The following LCLAT1 variants were observed in gnomAD, a reference collection of about 807,000 sequenced individuals.
LCLAT1 encodes lysocardiolipin acyltransferase 1, also known as 1-AGP acyltransferase 8.
In LCLAT1, 11 loss-of-function variants were observed where a neutral mutation model predicts 30.7. The ratio of observed to expected loss-of-function variants is 0.36; its 90% CI spans 0.23 to 0.59. The LOEUF (loss-of-function observed/expected upper bound fraction) is 0.59, where lower values mean the gene tolerates loss of function less well. Among genes scored for constraint, LCLAT1 ranks in the 20% least tolerant of loss-of-function variants. The pLI, the probability that LCLAT1 is intolerant of heterozygous loss-of-function variation, is 0.77. For synonymous variants in LCLAT1, 155 were observed against 151.3 expected (o/e 1.02, Z -0.18); for missense variants, 402 against 458.6 (o/e 0.88, Z 1.13).
At chr2:30,585,634 C>A (rs993916722) in intron 5 of LCLAT1, among the ~76,000 whole-genome samples, 9 of 152,178 alleles carry the variant, frequency 5.9e-5, no homozygotes, top group African/African-American at 4.8e-5. Context: ...TCCCTTAATA[C>A]CCTTATGCTT....
chr2:30,561,645 G>C (rs191988856), intron 3 of LCLAT1, among the ~76,000 whole-genome samples: 1 of 152,276 alleles, frequency 6.6e-6, no homozygotes, highest in African/African-American at 2.4e-5. Flanking sequence ...CAATGACATA[G>C]AAAGTGGCTA....
chr2:30,621,624 A>C (rs958107011), intron 5 of LCLAT1, among the ~76,000 whole-genome samples: 6 of 152,136 alleles, frequency 3.9e-5, no homozygotes, highest in African/African-American at 1.4e-4. Context: ...GAGCGACCAA[A>C]GTGTGAGAAG....
Position 30,640,613 on chromosome 2 carries a change from T to G in LCLAT1, c.1125T>G (p.Asn375Lys). The change falls in exon 6 of 6, where the codon AAT (asparagine) becomes AAG (lysine). Residue 375 changes from asparagine (N) to lysine (K), a missense_variant. By Grantham distance (94) the Asn-to-Lys change is moderately conservative. Transcript: ENST00000379509. ...HKQPHLNSKK[N>K]E ...AGCCACATTTAAATTCAAAGAAAAA[T>G]GAGTAAGATTATAAGGTTTGCCATG... 1.3e-6 allele frequency: 2 copies of G among 1,598,350 alleles called. No individual in the cohort carries two copies. The highest frequency in any genetic ancestry group is 1.7e-6 in the Non-Finnish European group (2 of 1,173,814).
intron 3 of LCLAT1, among the ~76,000 whole-genome samples, chr2:30,545,598 A>G (rs1236666977): frequency 6.6e-6 from 1 of 152,168 alleles, no homozygotes; most frequent in Non-Finnish European, 1.5e-5. Context: ...TTGTTAAATT[A>G]ACTAAACTGT....
chr2:30,460,833 T>G (rs890300900), intron 1 of LCLAT1, among the ~76,000 whole-genome samples: 2 of 152,164 alleles, frequency 1.3e-5, no homozygotes, highest in African/African-American at 4.8e-5. Context: ...GGCTAGTGAT[T>G]TAATCACTGA....
At chr2:30,528,558 T>C (rs1297344129) in intron 2 of LCLAT1, among the ~76,000 whole-genome samples, 1 of 152,196 alleles carries the variant, frequency 6.6e-6, no homozygotes, top group African/African-American at 2.4e-5. Context: ...CCAATCACTT[T>C]GTCTGATGGT....
chr2:30,452,169 G>A lies in LCLAT1; in HGVS notation c.-5+4786G>A, dbSNP rs576145421. ...GGTGGTTACATGGGTGTATGTATAT[G>A]TAAAAATTCAGAATATGTAAAAATA... is the stretch of plus-strand genomic sequence containing the variant. On this transcript the variant is annotated intron_variant, in intron 1 of 5. Coordinates refer to ENST00000379509, the MANE Select transcript of LCLAT1 (RefSeq NM_001002257.3). 3.3e-5 allele frequency among the ~76,000 whole-genome samples: 5 copies of A among 152,046 alleles called. No individual in the cohort carries two copies. The South Asian group carries it at 1.0e-3, about 32-fold the overall frequency.
chr2:30,590,636 CTT>C (rs1179073522), intron 5 of LCLAT1, among the ~76,000 whole-genome samples: 2 of 151,180 alleles, frequency 1.3e-5, no homozygotes, highest in Non-Finnish European at 1.5e-5. Flanking sequence ...GGAATGGAAA[CTT>C]GACATTAAAA....
At chr2:30,581,499 C>G (rs1666211710) in intron 5 of LCLAT1, among the ~76,000 whole-genome samples, 1 of 152,130 alleles carries the variant, frequency 6.6e-6, no homozygotes, top group Non-Finnish European at 1.5e-5. Context: ...GATATGTAGT[C>G]CACCTAAGTG....
At chr2:30,520,915 C>A (rs1406099564) in intron 1 of LCLAT1, among the ~76,000 whole-genome samples, 1 of 152,102 alleles carries the variant, frequency 6.6e-6, no homozygotes, top group Non-Finnish European at 1.5e-5. Flanking sequence ...TGGAACAAAT[C>A]CATCTTAAAT....
intron 1 of LCLAT1, among the ~76,000 whole-genome samples, chr2:30,517,331 A>G (rs1294427917): frequency 2.6e-5 from 4 of 152,110 alleles, no homozygotes; most frequent in African/African-American, 9.7e-5. Context: ...GTCTCTCCCA[A>G]TTTAGGTATA....
At chr2:30,450,022 A>G (rs1681468700) in intron 1 of LCLAT1, among the ~76,000 whole-genome samples, 1 of 152,176 alleles carries the variant, frequency 6.6e-6, no homozygotes, top group Non-Finnish European at 1.5e-5. Context: ...TTGAACCTTT[A>G]TGGAATAGCC....
intron 5 of LCLAT1, among the ~76,000 whole-genome samples, chr2:30,614,795 G>A (rs1487830250): frequency 6.6e-6 from 1 of 152,188 alleles, no homozygotes; most frequent in Non-Finnish European, 1.5e-5. Flanking sequence ...GGATGGAGAA[G>A]AGTAAGATCC....
chr2:30,586,152 G>A (rs1572659896), intron 5 of LCLAT1, among the ~76,000 whole-genome samples: 2 of 151,554 alleles, frequency 1.3e-5, no homozygotes, highest in South Asian at 4.2e-4. Context: ...GCTGAGGCAG[G>A]GGAATGGCGT....
chr2:30,455,437 C>G (rs1348268185), intron 1 of LCLAT1, among the ~76,000 whole-genome samples: 1 of 152,182 alleles, frequency 6.6e-6, no homozygotes, highest in South Asian at 2.1e-4. Flanking sequence ...CAGCCAAGAT[C>G]ACGGTGTCAG....
At chr2:30,593,985 CCAATT>C (rs927514671) in intron 5 of LCLAT1, among the ~76,000 whole-genome samples, 14 of 151,354 alleles carry the variant, frequency 9.2e-5, no homozygotes, top group Non-Finnish European at 1.9e-4. Flanking sequence ...CACTGACTCC[CCAATT>C]CATTTTATTC....
chr2:30,602,903 T>C (rs1231278037), intron 5 of LCLAT1, among the ~76,000 whole-genome samples: 3 of 152,120 alleles, frequency 2.0e-5, no homozygotes, highest in Admixed American at 6.6e-5. Flanking sequence ...GAAATGGGGA[T>C]TGTACAACTT....
At chr2:30,638,106 G>T (rs1273435074) in intron 5 of LCLAT1, among the ~76,000 whole-genome samples, 1 of 152,170 alleles carries the variant, frequency 6.6e-6, no homozygotes, top group East Asian at 1.9e-4. Flanking sequence ...TTGTAATTCA[G>T]TTATGAAACC....
chr2:30,453,649 T>C (rs1181518818), intron 1 of LCLAT1, among the ~76,000 whole-genome samples: 3 of 152,200 alleles, frequency 2.0e-5, no homozygotes, highest in African/African-American at 7.2e-5. Context: ...GTCTTTGAGC[T>C]TACTGTGTAG....
Sources: allele counts gnomAD v4.1 joint callset (sites outside exome capture counted in the v4.1 genomes callset), GRCh38; gene constraint gnomAD v4.1.1; transcripts MANE v1.5; gene names NCBI Gene and HGNC (gene_info 2026-07-23, HGNC 2026-07-21).